The following AK5 variants were observed in gnomAD, a reference collection of about 807,000 sequenced individuals.
The protein encoded by AK5 is adenylate kinase 5, also known as adenylate kinase isoenzyme 5.
Under a neutral mutation model 69.5 loss-of-function variants are expected in AK5, and 27 were observed. The ratio of observed to expected loss-of-function variants is 0.39; its 90% CI spans 0.29 to 0.54. AK5 has a LOEUF of 0.54. Ranked by LOEUF, AK5 falls within the 20% of genes least tolerant of loss-of-function variation. The probability of loss-of-function intolerance (pLI) is 0.71; values close to 1 mark genes in which losing one functional copy is unlikely to be tolerated. For missense variants in AK5, 531 were observed against 700.4 expected (o/e 0.76, Z 2.73); for synonymous variants, 260 against 244.4 (o/e 1.06, Z -0.60).
intron 6 of AK5, among the ~76,000 whole-genome samples, chr1:77,408,022 C>T (rs1346827735): frequency 8.5e-5 from 13 of 152,116 alleles, no homozygotes; most frequent in Non-Finnish European, 2.9e-5. Flanking sequence ...TTTCTTTATC[C>T]AGTCCACCAT....
intron 11 of AK5, among the ~76,000 whole-genome samples, chr1:77,519,213 A>G (rs1486534524): frequency 6.6e-6 from 1 of 152,144 alleles, no homozygotes; most frequent in East Asian, 1.9e-4. Context: ...AAGAAGCTGA[A>G]TGGTAGGGAT....
intron 5 of AK5, among the ~76,000 whole-genome samples, chr1:77,307,588 G>C (rs1268384313): frequency 6.6e-6 from 1 of 152,158 alleles, no homozygotes; most frequent in African/African-American, 2.4e-5. Flanking sequence ...GCAGCTCTTA[G>C]ATGAAATGCT....
intron 6 of AK5, among the ~76,000 whole-genome samples, chr1:77,368,174 C>T (rs1570452935): frequency 1.6e-5 from 2 of 121,428 alleles, no homozygotes; most frequent in African/African-American, 2.9e-5. Flanking sequence ...CGGTGACAAC[C>T]TCTTGTCATT....
chr1:77,388,339 G>A (rs1161437398), intron 6 of AK5, among the ~76,000 whole-genome samples: 1 of 152,158 alleles, frequency 6.6e-6, no homozygotes, highest in Non-Finnish European at 1.5e-5. Context: ...TAAAGGAAAG[G>A]AAAAGTGAAA....
intron 8 of AK5, among the ~76,000 whole-genome samples, chr1:77,429,142 G>A (rs1044127179): frequency 3.3e-5 from 5 of 152,132 alleles, no homozygotes; most frequent in African/African-American, 1.2e-4. Flanking sequence ...GGGTCAAATG[G>A]TATTTCTAGT....
intron 6 of AK5, among the ~76,000 whole-genome samples, chr1:77,377,921 C>T (rs1647353637): frequency 6.6e-6 from 1 of 152,220 alleles, no homozygotes; most frequent in Non-Finnish European, 1.5e-5. Flanking sequence ...ATCACAATCT[C>T]TATGAAACTT....
At chr1:77,377,065 C>G (rs180975380) in intron 6 of AK5, among the ~76,000 whole-genome samples, 2 of 152,196 alleles carry the variant, frequency 1.3e-5, no homozygotes, top group African/African-American at 4.8e-5. Context: ...TTTGCCCCAG[C>G]AGTACGAAGC....
intron 8 of AK5, among the ~76,000 whole-genome samples, chr1:77,459,074 A>G (rs777589972): frequency 6.6e-6 from 1 of 152,102 alleles, no homozygotes; most frequent in Non-Finnish European, 1.5e-5. Context: ...CAGCCTCTGG[A>G]TTCCCTCAGA....
At chr1:77,310,767 G>T (rs1467392351) in intron 5 of AK5, among the ~76,000 whole-genome samples, 2 of 151,984 alleles carry the variant, frequency 1.3e-5, no homozygotes, top group Non-Finnish European at 2.9e-5. Context: ...CTGAGATTTT[G>T]ATTTGAATTT....
At chr1:77,391,483 ATGTG>A (rs377483838) in intron 6 of AK5, among the ~76,000 whole-genome samples, 3 of 92,490 alleles carry the variant, frequency 3.2e-5, no homozygotes, top group African/African-American at 1.4e-4. Context: ...GTGTGTGTGT[ATGTG>A]TGTGTGTGTA....
At chr1:77,552,656 A>G (rs1659879343) in intron 13 of AK5, among the ~76,000 whole-genome samples, 1 of 152,246 alleles carries the variant, frequency 6.6e-6, no homozygotes, top group African/African-American at 2.4e-5. Context: ...CTGGACAAGG[A>G]TCAACCCAAT....
At chr1:77,442,028 A>C (rs1381001895) in intron 8 of AK5, among the ~76,000 whole-genome samples, 1 of 152,066 alleles carries the variant, frequency 6.6e-6, no homozygotes, top group Non-Finnish European at 1.5e-5. Context: ...GAAATAAAGG[A>C]TACTCTGGAG....
intron 8 of AK5, 61 bp downstream of exon 8, chr1:77,417,776 G>A (rs1650530737): frequency 1.9e-6 from 2 of 1,054,606 alleles, no homozygotes; most frequent in South Asian, 2.8e-5. Context: ...CTTTGTAAAT[G>A]TTTTATGAAA....
chr1:77,356,997 C>G (rs958195372), intron 6 of AK5, among the ~76,000 whole-genome samples: 5 of 152,086 alleles, frequency 3.3e-5, no homozygotes, highest in Middle Eastern at 3.2e-3. Context: ...GATTTTTTCT[C>G]TCTTCTTCTG....
chr1:77,428,233 A>G (rs898013024), intron 8 of AK5, among the ~76,000 whole-genome samples: 2 of 152,234 alleles, frequency 1.3e-5, no homozygotes, highest in Admixed American at 1.3e-4. Flanking sequence ...CCCACACACT[A>G]AATCTGAAAA....
intron 13 of AK5, among the ~76,000 whole-genome samples, chr1:77,546,185 A>G (rs1324042937): frequency 6.6e-6 from 1 of 152,056 alleles, no homozygotes; most frequent in Admixed American, 6.6e-5. Context: ...CTTTTGACTC[A>G]TCTGTACACA....
intron 5 of AK5, among the ~76,000 whole-genome samples, chr1:77,325,706 A>C (rs567410433): frequency 6.6e-6 from 1 of 151,916 alleles, no homozygotes; most frequent in African/African-American, 2.4e-5. Flanking sequence ...CTGCTTCTAC[A>C]ATGGATTGGG....
At chr1:77,463,120 G>A (rs761818421) in intron 8 of AK5, among the ~76,000 whole-genome samples, 7 of 152,162 alleles carry the variant, frequency 4.6e-5, no homozygotes, top group East Asian at 1.9e-4. Flanking sequence ...AGACGTTGGA[G>A]GGGGGAACTT....
chr1:77,393,370 A>C (rs1177650090), intron 6 of AK5, among the ~76,000 whole-genome samples: 1 of 152,172 alleles, frequency 6.6e-6, no homozygotes, highest in East Asian at 1.9e-4. Flanking sequence ...TGCTTGATTC[A>C]AAAGCGATTA....
Sources: allele counts gnomAD v4.1 joint callset (sites outside exome capture counted in the v4.1 genomes callset), GRCh38; gene constraint gnomAD v4.1.1; transcripts MANE v1.5; gene names NCBI Gene and HGNC (gene_info 2026-07-23, HGNC 2026-07-21).